Variants in PEAK1 observed in about 807,000 individuals in gnomAD.
The protein encoded by PEAK1 is pseudopodium enriched atypical kinase 1.
PEAK1 carries 54 observed loss-of-function variants against 124.7 expected under a neutral mutation model. The observed-to-expected ratio is 0.43, with a 90% CI of 0.35 to 0.54. PEAK1 has a LOEUF of 0.54. Among genes scored for constraint, PEAK1 ranks in the 20% least tolerant of loss-of-function variants. PEAK1 has a pLI of 0.01. For missense variants in PEAK1, 2,046 were observed against 2,134.5 expected, an observed-to-expected ratio of 0.96 and a Z score of 0.82; for synonymous variants, 719 against 760.0, an observed-to-expected ratio of 0.95 and a Z score of 0.89.
chr15:77,296,189 T>C (rs2063477138), intron 2 of PEAK1, among the ~76,000 whole-genome samples: 1 of 152,102 alleles, frequency 6.6e-6, no homozygotes, highest in African/African-American at 2.4e-5. Flanking sequence ...AATAAAGAGG[T>C]AAGGATGCCT....
intron 7 of PEAK1, among the ~76,000 whole-genome samples, chr15:77,176,802 A>G (rs2056906490): frequency 6.6e-6 from 1 of 152,176 alleles, no homozygotes; most frequent in South Asian, 2.1e-4. Flanking sequence ...GAAGCCGAAC[A>G]TTTCTTGACT....
intron 6 of PEAK1, among the ~76,000 whole-genome samples, chr15:77,244,717 T>C (rs1174439516): frequency 5.9e-5 from 9 of 152,040 alleles, no homozygotes; most frequent in African/African-American, 2.2e-4. Context: ...GCCTCCCAAG[T>C]AGCTGGAACT....
intron 2 of PEAK1, among the ~76,000 whole-genome samples, chr15:77,339,703 A>G (rs2066417637): frequency 6.6e-6 from 1 of 152,228 alleles, no homozygotes. Context: ...GACATTGTTA[A>G]TGAAAAGACA....
chr15:77,276,125 G>T (rs1171045082), intron 5 of PEAK1, among the ~76,000 whole-genome samples: 3 of 152,064 alleles, frequency 2.0e-5, no homozygotes, highest in Non-Finnish European at 4.4e-5. Context: ...AATAAAAGAT[G>T]AATATTCATG....
intron 8 of PEAK1, among the ~76,000 whole-genome samples, chr15:77,152,534 G>C (rs1174893058): frequency 6.6e-6 from 1 of 152,110 alleles, no homozygotes; most frequent in African/African-American, 2.4e-5. Context: ...TGTTGAATAG[G>C]AGCGGTGAGA....
intron 1 of PEAK1, among the ~76,000 whole-genome samples, chr15:77,375,395 A>G (rs568671004): frequency 6.6e-6 from 1 of 152,324 alleles, no homozygotes; most frequent in African/African-American, 2.4e-5. Flanking sequence ...GATGGCCTCA[A>G]TGTAGTTAAA....
intron 5 of PEAK1, among the ~76,000 whole-genome samples, chr15:77,283,291 T>G (rs1160849068): frequency 6.6e-6 from 1 of 152,222 alleles, no homozygotes; most frequent in Admixed American, 6.5e-5. Context: ...CTCCTTTCTT[T>G]TATTAGTTCT....
Position 77,333,516 on chromosome 15 carries a change from C to T in PEAK1, c.-603+31647G>A, listed in dbSNP as rs907045472. On this transcript the variant is annotated intron_variant, in intron 2 of 9. Transcript: ENST00000682557. ...AAACATTAAAAATAGAAAATAATTTCTCCACTACTTGATTATATATTTACA... is the reference window on the plus strand; with the variant it reads ...AAACATTAAAAATAGAAAATAATTTTTCCACTACTTGATTATATATTTACA... 4 of 851,532 alleles carry T rather than the reference C, an allele frequency of 4.7e-6. No individual in the cohort carries two copies. The African/African-American group carries it at 5.5e-5, about 12-fold the overall frequency. 52.7% of individuals were successfully genotyped at this position (851,532 alleles called of 1,614,324 possible).
intron 6 of PEAK1, among the ~76,000 whole-genome samples, chr15:77,206,802 C>G (rs1264103313): frequency 1.3e-5 from 2 of 152,028 alleles, no homozygotes; most frequent in African/African-American, 4.8e-5. Context: ...ATGGTAGTTT[C>G]TTTTGCTGTG....
chr15:77,304,735 C>G (rs1307304852), intron 2 of PEAK1, among the ~76,000 whole-genome samples: 3 of 152,166 alleles, frequency 2.0e-5, no homozygotes, highest in Non-Finnish European at 4.4e-5. Flanking sequence ...GCATAAGCCA[C>G]CACACCTGGC....
At chr15:77,122,361 C>T (rs1021972747) in intron 9 of PEAK1, among the ~76,000 whole-genome samples, 3 of 152,166 alleles carry the variant, frequency 2.0e-5, no homozygotes, top group Non-Finnish European at 4.4e-5. Flanking sequence ...GCTTTTCACT[C>T]TCCCACTCAG....
At chr15:77,346,049 C>A (rs1344406574) in intron 2 of PEAK1, 89 of 985,302 alleles carry the variant, frequency 9.0e-5, no homozygotes, top group Non-Finnish European at 1.0e-4. Flanking sequence ...TCAAAAATGC[C>A]TGTCCCTTTC....
chr15:77,414,046 C>G (rs1567373661), intron 1 of PEAK1, among the ~76,000 whole-genome samples: 1 of 148,230 alleles, frequency 6.7e-6, no homozygotes, highest in Non-Finnish European at 1.5e-5. Flanking sequence ...TGGTCTTAAA[C>G]TCCTGGGCTC....
intron 7 of PEAK1, among the ~76,000 whole-genome samples, chr15:77,174,215 A>G (rs2056700788): frequency 6.6e-6 from 1 of 152,202 alleles, no homozygotes; most frequent in Non-Finnish European, 1.5e-5. Context: ...TAATCCCATA[A>G]TGAAGGGCTC....
chr15:77,412,485 T>G (rs1178913935), intron 1 of PEAK1, among the ~76,000 whole-genome samples: 1 of 152,220 alleles, frequency 6.6e-6, no homozygotes, highest in Non-Finnish European at 1.5e-5. Flanking sequence ...TTTCACATTC[T>G]ACAACCAATC....
intron 2 of PEAK1, among the ~76,000 whole-genome samples, chr15:77,358,814 A>C (rs547029787): frequency 6.6e-6 from 1 of 152,386 alleles, no homozygotes; most frequent in South Asian, 2.1e-4. Context: ...TGGTTTGTAC[A>C]GAAATTTTAA....
chr15:77,245,271 C>A (rs1265682713), intron 6 of PEAK1, among the ~76,000 whole-genome samples: 1 of 151,976 alleles, frequency 6.6e-6, no homozygotes, highest in Non-Finnish European at 1.5e-5. Context: ...GGGAGGATCA[C>A]CTGAGCCCAA....
At chr15:77,303,549 C>T (rs768562721) in intron 2 of PEAK1, among the ~76,000 whole-genome samples, 2 of 152,140 alleles carry the variant, frequency 1.3e-5, no homozygotes, top group Non-Finnish European at 2.9e-5. Context: ...TGCTTATCTT[C>T]CTTGATGGGG....
In PEAK1 at chr15:77,133,495, G is replaced by T; in HGVS notation, c.3587C>A (p.Ala1196Asp). The change falls in exon 9 of 10, where the codon GCC (alanine) becomes GAC (aspartate). Residue 1196 changes from alanine to aspartate, a missense_variant. By Grantham distance (126) the Ala-to-Asp change is moderately radical (BLOSUM62 -2). Coordinates refer to ENST00000682557, the MANE Select transcript of PEAK1 (RefSeq NM_001385026.1). This position sits in a 1 kb window ranked among gnomAD's most constrained non-coding sequence, Gnocchi z 4.2. ...PTYDIDPNWDASSAGSSISYE... is the reference protein window; with the variant it reads ...PTYDIDPNWDDSSAGSSISYE... ...GCTGATGGAAGAACCAGCACTGCTG[G>T]CATCCCAGTTGGGGTCGATATCATA... The T allele has an allele frequency of 6.2e-7, 1 of 1,614,198 alleles. No individual in the cohort carries two copies. The highest frequency in any genetic ancestry group is 8.5e-7 in the Non-Finnish European group (1 of 1,180,042).
Sources: allele counts gnomAD v4.1 joint callset (sites outside exome capture counted in the v4.1 genomes callset), GRCh38; gene constraint gnomAD v4.1.1; non-coding constraint Gnocchi (gnomAD v3.1); transcripts MANE v1.5; gene names NCBI Gene and HGNC (gene_info 2026-07-23, HGNC 2026-07-21).